PSD2: variants seen among roughly 807,000 people sequenced by gnomAD.
The protein encoded by PSD2 is pleckstrin and Sec7 domain containing 2.
PSD2 carries 38 observed loss-of-function variants against 69.8 expected under a neutral mutation model. That is an observed-to-expected ratio of 0.54 (90% CI 0.42 to 0.71). PSD2 has a LOEUF of 0.71. Among genes scored for constraint, PSD2 ranks in the 30% least tolerant of loss-of-function variants. PSD2 has a pLI of 0.00. For missense variants in PSD2, 943 were observed against 1,014.5 expected (o/e 0.93, Z 0.96); for synonymous variants, 412 against 423.0 (o/e 0.97, Z 0.32).
At chr5:139,802,887 G>A (rs1456040070) in intron 1 of PSD2, among the ~76,000 whole-genome samples, 1 of 152,174 alleles carries the variant, frequency 6.6e-6, no homozygotes, top group Non-Finnish European at 1.5e-5. Context: ...TCCCAGCAGA[G>A]CACATGCAGG....
At chr5:139,789,871 G>T in the PSD2 span, among the ~76,000 whole-genome samples, 3 of 152,126 alleles carry the variant, frequency 2.0e-5, no homozygotes, top group Non-Finnish European at 4.4e-5. Flanking sequence ...GATGAAGGAG[G>T]GGGTAGAATT....
chr5:139,748,726 C>T, the PSD2 span, among the ~76,000 whole-genome samples: 1 of 152,264 alleles, frequency 6.6e-6, no homozygotes, highest in Non-Finnish European at 1.5e-5. Context: ...GCCCCCGGCC[C>T]GTCCTCCTAG....
At chr5:139,766,925 C>CT in the PSD2 span, among the ~76,000 whole-genome samples, 690 of 25,690 alleles carry the variant, frequency 0.027, 62 homozygotes, top group South Asian at 0.054. Context: ...TCCTTCCTTC[C>CT]TTCCCTTCTT....
the PSD2 span, among the ~76,000 whole-genome samples, chr5:139,779,464 A>G: frequency 6.6e-6 from 1 of 152,206 alleles, no homozygotes; most frequent in Admixed American, 6.5e-5. Flanking sequence ...AGAGCAAATT[A>G]CAGCTATCAG....
At chr5:139,751,101 A>G in the PSD2 span, among the ~76,000 whole-genome samples, 2 of 152,188 alleles carry the variant, frequency 1.3e-5, no homozygotes, top group Non-Finnish European at 1.5e-5. Flanking sequence ...GAGGAGGGAC[A>G]GGTGAGACAT....
chr5:139,842,368 A>T lies in PSD2; in HGVS notation c.2210A>T (p.Glu737Val), dbSNP rs1027593467. 5.6e-6 allele frequency: 9 copies of T among 1,614,042 alleles called. No homozygotes were observed. The South Asian group carries it at 9.9e-5, about 18-fold the overall frequency. Residue 737 changes from glutamate (E) to valine (V), a missense_variant, in exon 15 of 15, where the codon GAA becomes GTA. Glu to Val is a moderately radical substitution (Grantham distance 121). This residue lies in a region of PSD2 where 165 missense variants were observed against 168.8 expected (regional missense o/e 0.98). Transcript: ENST00000274710. ...ATTGAGGCCCGGCTGGCCACTCTGG[A>T]AGGGGATGACCCTTCTCTCCGGAAG... is the stretch of plus-strand genomic sequence containing the variant. ...ERIEARLATL[E>V]GDDPSLRKTH... is the part of the protein sequence containing the mutation.
At chr5:139,801,880 C>T (rs571381364) in intron 1 of PSD2, among the ~76,000 whole-genome samples, 80 of 152,280 alleles carry the variant, frequency 5.3e-4, no homozygotes, top group Non-Finnish European at 8.1e-4. Context: ...CTTGGGTCCC[C>T]TCTCTCTCTC....
chr5:139,751,423 G>A, the PSD2 span, among the ~76,000 whole-genome samples: 3 of 152,108 alleles, frequency 2.0e-5, no homozygotes, highest in African/African-American at 7.2e-5. Flanking sequence ...CCAGGCAGAT[G>A]GGGAGGCATA....
At chr5:139,818,340 T>C (rs1180054576) in intron 5 of PSD2, among the ~76,000 whole-genome samples, 4 of 151,816 alleles carry the variant, frequency 2.6e-5, no homozygotes, top group Non-Finnish European at 5.9e-5. Flanking sequence ...AGGCCAGGAG[T>C]TCCAGACCAG....
In PSD2 at chr5:139,833,726, C is replaced by T; in HGVS notation, c.1294C>T (p.Gln432Ter). The T allele has an allele frequency of 6.2e-7, 1 of 1,613,964 alleles. No individual in the cohort carries two copies. Among genetic ancestry groups the T allele is most frequent in the Non-Finnish European group, 8.5e-7 (1 of 1,179,846 alleles). The change falls in exon 8 of 15, where the codon CAG becomes TAG. Residue 432 changes from glutamine (Q) to a stop codon, truncating the protein, a stop_gained. Transcript: ENST00000274710. LOFTEE classifies it high-confidence loss of function. ...GHNIGKKMSC[Q>*]QFIANLDQLN... ...GAACATTGGCAAAAAGATGTCCTGT[C>T]AGCAATTCATTGCCAACTTGGACCA...
the PSD2 span, among the ~76,000 whole-genome samples, chr5:139,787,629 C>T: frequency 6.6e-6 from 1 of 152,358 alleles, no homozygotes; most frequent in East Asian, 1.9e-4. Flanking sequence ...AAAACACCAG[C>T]AGGTGGCGCC....
the PSD2 span, among the ~76,000 whole-genome samples, chr5:139,788,149 A>G: frequency 2.0e-5 from 3 of 151,788 alleles, no homozygotes; most frequent in African/African-American, 4.8e-5. Context: ...TCTGGCCAGC[A>G]GAGGGAGGCG....
intron 5 of PSD2, among the ~76,000 whole-genome samples, chr5:139,817,876 A>T (rs2126944908): frequency 6.6e-6 from 1 of 152,330 alleles, no homozygotes; most frequent in Admixed American, 6.5e-5. Flanking sequence ...TGCTTACTGC[A>T]TCCTCTGTAC....
rs971164578 is a variant in PSD2, at chr5:139,839,555, G to A, written c.1969-472G>A. ...GCGACAGTGTCTCCGCCTGTCTTTG[G>A]GTGTGATCCTGGGTCTGCAACCATT... On this transcript the variant is annotated intron_variant, in intron 13 of 14. Coordinates refer to ENST00000274710, the MANE Select transcript of PSD2 (RefSeq NM_032289.4). The surrounding 1 kb of genome is among the most constrained non-coding windows in gnomAD (Gnocchi z 5.1). 6.6e-6 allele frequency among the ~76,000 whole-genome samples: 1 copy of A among 152,236 alleles called. No homozygotes were observed. Among genetic ancestry groups the A allele is most frequent in the Non-Finnish European group, 1.5e-5 (1 of 68,048 alleles).
chr5:139,837,138 C>T lies in PSD2; in HGVS notation c.1595-30C>T. 6 of 1,611,776 alleles carry T rather than the reference C, an allele frequency of 3.7e-6. No homozygotes were observed. The highest frequency in any genetic ancestry group is 5.1e-6 in the Non-Finnish European group (6 of 1,178,296). On this transcript the variant is annotated intron_variant, in intron 10 of 14. Transcript: ENST00000274710. The surrounding 1 kb of genome is among the most constrained non-coding windows in gnomAD (Gnocchi z 5.0). Reference sequence around the variant, plus strand: ...TTGGAGAGACTGCAGAGGGTGGCTGCAGCCACACTACCAGTGCCCTCCTCC... The same window carrying T: ...TTGGAGAGACTGCAGAGGGTGGCTGTAGCCACACTACCAGTGCCCTCCTCC...
rs1760764589 is a variant in PSD2 at position 139,837,543 on chromosome 5, G to T, written c.1666-82G>T. ...GAACAGAAAATTAAGGGAGCCGTAG[G>T]GTTAGACAGAGAGCAGTGAGGGGAG... On this transcript the variant is annotated intron_variant, in intron 11 of 14. Coordinates refer to ENST00000274710, the MANE Select transcript of PSD2 (RefSeq NM_032289.4). This position sits in a 1 kb window ranked among gnomAD's most constrained non-coding sequence, Gnocchi z 5.0. 1.4e-6 allele frequency: 2 copies of T among 1,412,258 alleles called. No homozygotes were observed. The highest frequency in any genetic ancestry group is 4.6e-5 in the East Asian group (2 of 43,344). The allele number at this position is 1,412,258 out of a possible 1,614,324, so 87.5% of individuals were successfully genotyped here. A position where few individuals can be genotyped will look rare whatever the true frequency, so the allele number is the denominator to read the frequency against.
At chr5:139,834,457 A>G (rs1349201339) in intron 8 of PSD2, among the ~76,000 whole-genome samples, 1 of 146,496 alleles carries the variant, frequency 6.8e-6, no homozygotes, top group African/African-American at 2.5e-5. Context: ...GGCGATTTTT[A>G]TTTTTATGCT....
chr5:139,764,366 C>T, the PSD2 span, among the ~76,000 whole-genome samples: 2 of 152,204 alleles, frequency 1.3e-5, no homozygotes, highest in South Asian at 4.1e-4. Context: ...TCCGCCTGGG[C>T]TGCTGCAGCT....
the PSD2 span, among the ~76,000 whole-genome samples, chr5:139,778,086 T>C: frequency 6.6e-6 from 1 of 152,254 alleles, no homozygotes; most frequent in Non-Finnish European, 1.5e-5. Flanking sequence ...AGGAAAGTCC[T>C]ACACAAGGTC....
Sources: gnomAD v4.1 joint callset for allele counts (sites outside exome capture counted in the v4.1 genomes callset) on GRCh38, gnomAD v4.1.1 for gene constraint, gnomAD v4.1.1 regional missense constraint, Gnocchi (gnomAD v3.1) non-coding constraint, MANE v1.5 for transcripts, NCBI Gene and HGNC (gene_info 2026-07-23, HGNC 2026-07-21) for gene names.